Variants in BRD4 observed in about 807,000 individuals in gnomAD.
BRD4 encodes the protein bromodomain-containing protein 4.
Under a neutral mutation model 142.1 loss-of-function variants are expected in BRD4, and 16 were observed. The observed-to-expected ratio is 0.11, with a 90% confidence interval of 0.08 to 0.17. The LOEUF (loss-of-function observed/expected upper bound fraction) is 0.17, where lower values mean the gene tolerates loss of function less well. Ranked by LOEUF, BRD4 falls within the 10% of genes least tolerant of loss-of-function variation. BRD4 has a pLI of 1.00. For missense variants in BRD4, 1,424 were observed against 1,810.9 expected (o/e 0.79, Z 3.88); for synonymous variants, 833 against 707.5 (o/e 1.18, Z -2.82).
chr19:15,331,456 C>G (rs893121733), intron 1 of BRD4, among the ~76,000 whole-genome samples: 1 of 152,230 alleles, frequency 6.6e-6, no homozygotes, highest in Non-Finnish European at 1.5e-5. Context: ...TAGGCCGTTG[C>G]AAGGACGCCG....
chr19:15,315,063 CTATTT>C (rs948875747), intron 1 of BRD4, among the ~76,000 whole-genome samples: 3 of 152,036 alleles, frequency 2.0e-5, no homozygotes, highest in African/African-American at 7.2e-5. Flanking sequence ...GTCATCTATT[CTATTT>C]TGATTGTGTA....
chr19:15,328,711 C>A (rs1401438494), intron 1 of BRD4, among the ~76,000 whole-genome samples: 2 of 152,180 alleles, frequency 1.3e-5, no homozygotes, highest in East Asian at 3.8e-4. Context: ...GCACAAGATA[C>A]AACAGAATAA....
intron 1 of BRD4, among the ~76,000 whole-genome samples, chr19:15,316,090 A>G (rs1361146599): frequency 2.2e-5 from 3 of 139,050 alleles, no homozygotes; most frequent in Non-Finnish European, 3.0e-5. Context: ...CGGGAGGCAG[A>G]GCTTGCAGTG....
chr19:15,302,883 C>G (rs946503866), intron 1 of BRD4, among the ~76,000 whole-genome samples: 1 of 150,952 alleles, frequency 6.6e-6, no homozygotes, highest in African/African-American at 2.4e-5. Context: ...TGGCGGTCAC[C>G]TGTAGTCCCA....
Position 15,239,199 on chromosome 19 carries a change from G to C in BRD4, c.3642C>G (p.Ser1214=), listed in dbSNP as rs1286545979. The change falls in exon 18 of 20, where the codon TCC becomes TCG. Residue 1214 remains serine (S), a synonymous_variant. Coordinates refer to ENST00000679869, the MANE Select transcript of BRD4 (RefSeq NM_001379291.1). This position sits in a 1 kb window ranked among gnomAD's most constrained non-coding sequence, Gnocchi z 7.4. ...SLVQKHPTTP[S]STAKSSSDSF... is the part of the protein sequence containing the mutation. ...TGTCGCTGGATGACTTGGCTGTGGAGGAGGGGGTGGTCGGATGCTTCTGCA... is the reference window on the plus strand; with the variant it reads ...TGTCGCTGGATGACTTGGCTGTGGACGAGGGGGTGGTCGGATGCTTCTGCA... 6.2e-7 allele frequency: 1 copy of C among 1,613,054 alleles called. No homozygotes were observed. The highest frequency in any genetic ancestry group is 1.3e-5 in the African/African-American group (1 of 74,936).
chr19:15,238,869 T>TTGC lies in BRD4; in HGVS notation c.3891_3893dup (p.Gln1300dup), dbSNP rs745340727. 2.1e-5 allele frequency: 34 copies of TTGC among 1,600,328 alleles called. No homozygotes were observed. The South Asian group carries it at 2.1e-4, about 10-fold the overall frequency. ...CGGCAGCCACCGCAGCTGCTTGCTG[T>TTGC]TGCTGCTGCTGCTGTTGCTCCTGGC... On this transcript the variant is annotated inframe_insertion, in exon 19 of 20. Transcript: ENST00000679869. The surrounding 1 kb of genome is among the most constrained non-coding windows in gnomAD (Gnocchi z 7.2).
chr19:15,320,745 C>T (rs2048054496), intron 1 of BRD4, among the ~76,000 whole-genome samples: 1 of 152,178 alleles, frequency 6.6e-6, no homozygotes, highest in African/African-American at 2.4e-5. Context: ...AGGTAAGATA[C>T]ACAGTGTCTT....
chr19:15,286,499 T>C (rs1195274577), intron 1 of BRD4, among the ~76,000 whole-genome samples: 1 of 152,192 alleles, frequency 6.6e-6, no homozygotes, highest in East Asian at 1.9e-4. Context: ...TGGCTACTCA[T>C]GCCATTTTAA....
intron 7 of BRD4, among the ~76,000 whole-genome samples, chr19:15,257,859 CTG>C (rs1052421813): frequency 6.6e-6 from 1 of 152,164 alleles, no homozygotes; most frequent in African/African-American, 2.4e-5. Context: ...GAGGGAGCCA[CTG>C]TGCGCAGGAG....
intron 13 of BRD4, 100 bp downstream of exon 13, chr19:15,244,131 C>G (rs2145514859): frequency 2.0e-6 from 3 of 1,531,444 alleles, no homozygotes; most frequent in Non-Finnish European, 2.6e-6. Context: ...ACCAGAGCAG[C>G]TGAGGCTAAG....
chr19:15,323,178 T>TAA (rs1017018376), intron 1 of BRD4, among the ~76,000 whole-genome samples: 18,655 of 72,976 alleles, frequency 0.26, 4,252 homozygotes, highest in East Asian at 0.35. Flanking sequence ...TCCATCTCTT[T>TAA]AAAAAAAAAA....
intron 1 of BRD4, among the ~76,000 whole-genome samples, chr19:15,278,037 T>C (rs1214969401): frequency 8.4e-5 from 10 of 118,384 alleles, no homozygotes; most frequent in Non-Finnish European, 1.6e-4. Flanking sequence ...ACCTGGGAGG[T>C]GGAGCCTGCA....
chr19:15,288,113 C>T (rs1246744925), intron 1 of BRD4, among the ~76,000 whole-genome samples: 1 of 152,156 alleles, frequency 6.6e-6, no homozygotes, highest in African/African-American at 2.4e-5. Context: ...CATATTTTGC[C>T]TATCTATCCA....
In BRD4 at chr19:15,254,204, C is replaced by T; in HGVS notation, c.2106G>A (p.Glu702=). 6 of 1,614,240 alleles carry T rather than the reference C, an allele frequency of 3.7e-6. No homozygotes were observed. The highest frequency in any genetic ancestry group is 1.3e-5 in the African/African-American group (1 of 75,068). Residue 702 remains glutamate, a synonymous_variant, in exon 11 of 20, where the codon GAG becomes GAA. Coordinates refer to ENST00000679869, the MANE Select transcript of BRD4 (RefSeq NM_001379291.1). ...SSKMKGFSSS[E]SESSSESSSS... ...AGCTGGACTCACTGGAGCTCTCCGA[C>T]TCTGAGGACGAGAAGCCCTTCATCT...
At chr19:15,297,482 G>T (rs1252502459) in intron 1 of BRD4, among the ~76,000 whole-genome samples, 2 of 152,212 alleles carry the variant, frequency 1.3e-5, no homozygotes, top group African/African-American at 4.8e-5. Flanking sequence ...TTTTAAAATC[G>T]CCTTGGGGTA....
chr19:15,294,035 C>T (rs1019370261), intron 1 of BRD4, among the ~76,000 whole-genome samples: 3 of 152,224 alleles, frequency 2.0e-5, no homozygotes, highest in Non-Finnish European at 4.4e-5. Flanking sequence ...CCCCAAAACG[C>T]TAAGTGTCTT....
At chr19:15,250,579 G>A (rs958855976) in intron 11 of BRD4, among the ~76,000 whole-genome samples, 11 of 152,182 alleles carry the variant, frequency 7.2e-5, no homozygotes, top group African/African-American at 2.4e-4. Context: ...GCTGGACTGC[G>A]CTCCCGTTCC....
intron 1 of BRD4, among the ~76,000 whole-genome samples, chr19:15,276,498 ACTCTCTCT>A (rs141468815): frequency 2.7e-5 from 4 of 145,506 alleles, no homozygotes; most frequent in African/African-American, 1.0e-4. Context: ...AGGCTCACAG[ACTCTCTCT>A]CTCTCTCTCT....
chr19:15,329,076 TCTG>T (rs1301364792), intron 1 of BRD4, among the ~76,000 whole-genome samples: 2 of 151,790 alleles, frequency 1.3e-5, no homozygotes, highest in African/African-American at 2.4e-5. Context: ...CCCGGCGCAT[TCTG>T]CTTTTTTTTT....
Sources: allele counts gnomAD v4.1 joint callset (sites outside exome capture counted in the v4.1 genomes callset), GRCh38; gene constraint gnomAD v4.1.1; non-coding constraint Gnocchi (gnomAD v3.1); transcripts MANE v1.5; gene names NCBI Gene and HGNC (gene_info 2026-07-23, HGNC 2026-07-21).